The following BRWD3 variants were observed in gnomAD, a reference collection of about 807,000 sequenced individuals.
BRWD3 encodes the protein bromodomain and WD repeat domain containing 3, also known as bromodomain and WD repeat-containing protein 3.
A neutral mutation model predicts 149.7 loss-of-function variants in BRWD3; 10 were observed. The ratio of observed to expected loss-of-function variants is 0.07; its 90% CI spans 0.04 to 0.11. BRWD3 has a LOEUF of 0.11. BRWD3 is among the 10% of genes least tolerant of loss of function. BRWD3 has a pLI of 1.00. For synonymous variants in BRWD3, 504 were observed against 456.7 expected, an observed-to-expected ratio of 1.10 and a Z score of -1.32; for missense variants, 940 against 1,373.2, an observed-to-expected ratio of 0.68 and a Z score of 4.99.
intron 4 of BRWD3, among the ~76,000 whole-genome samples, chrX:80,802,256 A>C (rs1447290314): frequency 9.1e-6 from 1 of 109,602 alleles, no homozygotes; most frequent in East Asian, 2.9e-4. Flanking sequence ...GCCTTGGCCA[A>C]CACGGTGAAA....
rs1188334233 is a variant in BRWD3, at chrX:80,786,914, T to C, written c.430+4940A>G. ...GCACACAAAATCAGAAAGGAAAAAGTAAATCTGTCTTTATTTGCAGACAAC... is the reference window on the plus strand; with the variant it reads ...GCACACAAAATCAGAAAGGAAAAAGCAAATCTGTCTTTATTTGCAGACAAC... On this transcript the variant is annotated intron_variant, in intron 6 of 40. Coordinates refer to ENST00000373275, the MANE Select transcript of BRWD3 (RefSeq NM_153252.5). 3.6e-5 allele frequency among the ~76,000 whole-genome samples: 4 copies of C among 111,044 alleles called. No homozygotes were observed. The Admixed American group carries it at 3.9e-4, about 11-fold the overall frequency.
Position 80,716,225 on chromosome X carries a change from T to C in BRWD3, c.2257A>G (p.Lys753Glu). ...TAAAGACTGATTTCTATGTCACCTT[T>C]TGCAGTTCGACATTCTTCCTGTACC... ...SRVQEECRTA[K>E]GDIEISLYTV... The change falls in exon 20 of 41, where the codon AAA becomes GAA. Residue 753 changes from lysine (K) to glutamate (E), a missense_variant. Physicochemically the swap from Lys to Glu is moderately conservative, Grantham distance 56 (BLOSUM62 1). Around this residue, in one of 6 missense-constraint regions of BRWD3, gnomAD observed 103 missense variants for 103.2 expected, o/e 1.00. Transcript: ENST00000373275. 8.3e-7 allele frequency: 1 copy of C among 1,209,705 alleles called. No homozygotes were observed. The highest frequency in any genetic ancestry group is 1.1e-6 in the Non-Finnish European group (1 of 893,847).
intron 13 of BRWD3, 90 bp downstream of exon 13, chrX:80,729,826 A>T: frequency 1.5e-6 from 1 of 652,429 alleles, no homozygotes; most frequent in Non-Finnish European, 2.5e-6. Context: ...CAAACTATTT[A>T]TTAATGTAAA....
intron 6 of BRWD3, among the ~76,000 whole-genome samples, chrX:80,762,855 T>C (rs1454907607): frequency 9.0e-6 from 1 of 111,402 alleles, no homozygotes; most frequent in African/African-American, 3.3e-5. Context: ...TAGGCATTTA[T>C]TCATTAAAGC....
chrX:80,726,958 T>C (rs1423749653), intron 14 of BRWD3, among the ~76,000 whole-genome samples: 1 of 110,040 alleles, frequency 9.1e-6, no homozygotes, highest in Non-Finnish European at 1.9e-5. Flanking sequence ...TAAACTCTAA[T>C]GATAATGACA....
intron 8 of BRWD3, 88 bp from the exon 9 acceptor site, chrX:80,736,176 T>A: frequency 1.7e-6 from 1 of 588,833 alleles, no homozygotes; most frequent in Non-Finnish European, 2.7e-6. Flanking sequence ...TGTAATCATT[T>A]AACAAATATA....
intron 16 of BRWD3, among the ~76,000 whole-genome samples, 194 bp downstream of exon 16, chrX:80,723,554 T>C (rs2073180294): frequency 9.1e-6 from 1 of 110,094 alleles, no homozygotes; most frequent in South Asian, 4.0e-4. Context: ...TTATCTCTAT[T>C]GTGATCTGCA....
At chrX:80,685,268 C>G (rs1483024702) in intron 36 of BRWD3, among the ~76,000 whole-genome samples, 194 bp downstream of exon 36, 1 of 111,045 alleles carries the variant, frequency 9.0e-6, no homozygotes, top group Non-Finnish European at 1.9e-5. Context: ...AAGGAGGATA[C>G]AAAGAACAGT....
At position 80,675,299 on chromosome X, in the gene BRWD3, G is replaced by T. The variant is rs2072353827; in HGVS notation, c.*1310C>A. On this transcript the variant is annotated 3_prime_UTR_variant, in exon 41 of 41. Coordinates refer to ENST00000373275, the MANE Select transcript of BRWD3 (RefSeq NM_153252.5). ...CTAGAACAGAAGAACCCTTTGGAAT[G>T]ATATGAGCAGAATCTATAAGTTGAT... The T allele has an allele frequency of 8.9e-6, 1 of 111,831 alleles. No individual in the cohort carries two copies. Among genetic ancestry groups the T allele is most frequent in the African/African-American group, 3.2e-5 (1 of 30,782 alleles). 9.2% of individuals were successfully genotyped at this position (111,831 alleles called of 1,213,427 possible).
At chrX:80,748,066 C>T (rs1170636901) in intron 6 of BRWD3, among the ~76,000 whole-genome samples, 2 of 111,793 alleles carry the variant, frequency 1.8e-5, no homozygotes, top group Admixed American at 1.9e-4. Flanking sequence ...TGGTCTTGAA[C>T]TCCTGACCTC....
intron 6 of BRWD3, among the ~76,000 whole-genome samples, chrX:80,762,929 T>C (rs957457993): frequency 1.8e-5 from 2 of 110,577 alleles, no homozygotes; most frequent in Non-Finnish European, 3.8e-5. Flanking sequence ...CAGAATGGGG[T>C]AGGTTAGGAA....
In BRWD3 at chrX:80,690,110, C is replaced by G. The variant is rs780162255; in HGVS notation, c.3603-18G>C. 14 of 1,197,663 alleles carry G rather than the reference C, an allele frequency of 1.2e-5. No individual in the cohort carries two copies. The East Asian group carries it at 3.9e-4, about 33-fold the overall frequency. ...ATATTCTCCTGTGAAAGAAAAAATA[C>G]TCTGTTAGCCTTGGCTAATATATTT... is the stretch of plus-strand genomic sequence containing the variant. On this transcript the variant is annotated intron_variant, in intron 31 of 40. Transcript: ENST00000373275.
rs2074207191 is a variant in BRWD3, at chrX:80,793,665, T to C, written c.288A>G (p.Thr96=). 8.3e-7 allele frequency: 1 copy of C among 1,208,259 alleles called. No homozygotes were observed. The highest frequency in any genetic ancestry group is 1.8e-5 in the African/African-American group (1 of 56,905). ...GAGACTGCCGACCAACACCTAATAA[T>C]GTCTGTACCCCAGGAACACTCTGAG... ...EIPQSVPGVQ[T]LLGVGRQSLL... The change falls in exon 5 of 41, where the codon ACA becomes ACG. Residue 96 remains threonine (T), a synonymous_variant. Transcript: ENST00000373275.
chrX:80,802,311 G>A (rs978010308), intron 4 of BRWD3, among the ~76,000 whole-genome samples: 1 of 108,410 alleles, frequency 9.2e-6, no homozygotes, highest in Admixed American at 9.9e-5. Context: ...GTCTGGTGGC[G>A]CACGCCTATA....
At chrX:80,687,103 TA>T in intron 34 of BRWD3, 100 bp from the exon 35 acceptor site, 1 of 15,696 alleles carries the variant, frequency 6.4e-5, no homozygotes, top group Non-Finnish European at 1.2e-4. Context: ...TATGTGTGTA[TA>T]TATATATATA....
At chrX:80,723,467 T>TATAGA (rs2073178418) in intron 16 of BRWD3, among the ~76,000 whole-genome samples, 2 of 110,911 alleles carry the variant, frequency 1.8e-5, no homozygotes, top group African/African-American at 3.3e-5. Context: ...ATTACTCTCC[T>TATAGA]ATTATACCTG....
At chrX:80,746,966 T>C in intron 6 of BRWD3, 1 of 275,607 alleles carries the variant, frequency 3.6e-6, no homozygotes, top group East Asian at 2.3e-4. Flanking sequence ...GAGACCTGAG[T>C]AGTTATGTAA....
At chrX:80,743,829 T>C (rs779887119) in intron 8 of BRWD3, 20 of 392,532 alleles carry the variant, frequency 5.1e-5, no homozygotes, top group Admixed American at 9.6e-5. Flanking sequence ...TTTTAAATCA[T>C]CTTTTTAGTT....
Position 80,691,228 on chromosome X carries a change from G to C in BRWD3, c.3482-55C>G. The stretch of plus-strand genomic sequence containing the variant: ...GCTATAAAGGACATTAACATCTCAT[G>C]GTAACAAACATTTATTCATATATAA... On this transcript the variant is annotated intron_variant, in intron 30 of 40. Transcript: ENST00000373275. 3 of 1,132,771 alleles carry C rather than the reference G, an allele frequency of 2.6e-6. No homozygotes were observed. The South Asian group carries it at 5.7e-5, about 21-fold the overall frequency. The allele number at this position is 1,132,771 out of a possible 1,213,427, so 93.4% of individuals were successfully genotyped here.
Sources: allele counts gnomAD v4.1 joint callset (sites outside exome capture counted in the v4.1 genomes callset), GRCh38; gene constraint gnomAD v4.1.1; regional missense constraint gnomAD v4.1.1; transcripts MANE v1.5; gene names NCBI Gene and HGNC (gene_info 2026-07-23, HGNC 2026-07-21).